Variants in TENM1 observed in about 807,000 individuals in gnomAD.
TENM1 encodes the protein teneurin transmembrane protein 1.
In TENM1, 35 loss-of-function variants were observed where a neutral mutation model predicts 174.8. That is an observed-to-expected ratio of 0.20 (90% CI 0.15 to 0.27). The LOEUF is 0.27. Among genes scored for constraint, TENM1 ranks in the 10% least tolerant of loss-of-function variants. The pLI, the probability that TENM1 is intolerant of heterozygous loss-of-function variation, is 1.00. For missense variants in TENM1, 1,633 were observed against 2,130.1 expected (o/e 0.77, Z 4.59); for synonymous variants, 781 against 798.7 (o/e 0.98, Z 0.37).
chrX:125,085,551 A>C, the TENM1 span, among the ~76,000 whole-genome samples: 1 of 111,185 alleles, frequency 9.0e-6, no homozygotes, highest in Non-Finnish European at 1.9e-5. Flanking sequence ...CTGTCTCACA[A>C]CACCTTCACA....
chrX:125,141,015 A>G, the TENM1 span, among the ~76,000 whole-genome samples: 1 of 112,028 alleles, frequency 8.9e-6, no homozygotes, highest in Non-Finnish European at 1.9e-5. Context: ...AGTATTGACG[A>G]AAGTATACTA....
In TENM1 at chrX:124,487,074, T is replaced by C. The variant is rs751892102; in HGVS notation, c.3716+135A>G. The C allele has an allele frequency of 8.7e-5, 53 of 608,866 alleles. No homozygotes were observed. In the African/African-American group the frequency reaches 9.5e-4, roughly 11 times the overall value. The allele number at this position is 608,866 out of a possible 1,213,427, so 50.2% of individuals were successfully genotyped here. Reference sequence around the variant, plus strand: ...TCTTTTGGAAGACACTTACCTGAGTTATAACTTCCAAATTTATGTTCACAC... The same window carrying C: ...TCTTTTGGAAGACACTTACCTGAGTCATAACTTCCAAATTTATGTTCACAC... On this transcript the variant is annotated intron_variant, in intron 21 of 31. Transcript: ENST00000422452.
rs191059830 is a variant in TENM1 at position 124,745,323 on chromosome X, C to A, written c.536-8126G>T. Among the ~76,000 whole-genome samples, 713 of 111,129 alleles carry A rather than the reference C, an allele frequency of 6.4e-3. 3 individuals carry two copies. The highest frequency in any genetic ancestry group is 0.01 in the Non-Finnish European group (536 of 52,950). On this transcript the variant is annotated intron_variant, in intron 3 of 31. Transcript: ENST00000422452. Reference sequence around the variant, plus strand: ...ACAAGTACATAGCCCTCATCTGGGACAATGGGAAGAGATGTCACTATTATA... The same window carrying A: ...ACAAGTACATAGCCCTCATCTGGGAAAATGGGAAGAGATGTCACTATTATA...
chrX:124,494,086 T>C lies in TENM1; in HGVS notation c.3695+2930A>G, dbSNP rs757443839. On this transcript the variant is annotated intron_variant, in intron 20 of 31. Transcript: ENST00000422452. The stretch of plus-strand genomic sequence containing the variant: ...ATGGAGGTATATTCCATAGCAAGCA[T>C]GAGAATCTGAAAAATTTTGAGAAAT... Among the ~76,000 whole-genome samples, 62 of 111,387 alleles carry C rather than the reference T, an allele frequency of 5.6e-4. 4 individuals carry two copies.
intron 1 of TENM1, among the ~76,000 whole-genome samples, chrX:124,955,585 A>G (rs114336372): frequency 0.084 from 9,256 of 110,658 alleles, 749 homozygotes; most frequent in African/African-American, 0.25. Context: ...ATTGGCTCTC[A>G]TTATTTCTGA....
chrX:124,787,114 C>CAA (rs746114797), intron 3 of TENM1, among the ~76,000 whole-genome samples: 2 of 111,447 alleles, frequency 1.8e-5, no homozygotes, highest in Non-Finnish European at 3.8e-5. Flanking sequence ...ACACAACTCT[C>CAA]AAAGTATTAT....
chrX:124,926,737 C>G (rs1024319128), intron 1 of TENM1, among the ~76,000 whole-genome samples: 3 of 111,938 alleles, frequency 2.7e-5, no homozygotes, highest in Non-Finnish European at 3.8e-5. Flanking sequence ...TATCCAAGCT[C>G]ATAAACCAAG....
At chrX:125,005,775 C>G in the TENM1 span, among the ~76,000 whole-genome samples, 180 of 111,095 alleles carry the variant, frequency 1.6e-3, no homozygotes, top group Non-Finnish European at 1.1e-3. Flanking sequence ...GGGAAGTGCA[C>G]GGAGCCAGGG....
chrX:124,799,994 T>C (rs1198302585), intron 3 of TENM1, among the ~76,000 whole-genome samples: 2 of 112,169 alleles, frequency 1.8e-5, no homozygotes, highest in Non-Finnish European at 3.8e-5. Context: ...TCCTGCTGGA[T>C]TCAGTTTGCT....
At chrX:125,034,420 C>T in the TENM1 span, among the ~76,000 whole-genome samples, 1 of 111,292 alleles carries the variant, frequency 9.0e-6, no homozygotes, top group Non-Finnish European at 1.9e-5. Flanking sequence ...AGTTTGGGAC[C>T]TGTGCCTTTA....
At chrX:124,895,829 G>A (rs1407937539) in intron 2 of TENM1, 152 bp downstream of exon 5, 1 of 583,121 alleles carries the variant, frequency 1.7e-6, no homozygotes, top group Non-Finnish European at 2.6e-6. Flanking sequence ...CAGATACTTA[G>A]GTGCATGCCT....
chrX:124,905,264 T>C (rs2057728073), intron 1 of TENM1, among the ~76,000 whole-genome samples: 1 of 111,154 alleles, frequency 9.0e-6, no homozygotes, highest in African/African-American at 3.3e-5. Context: ...TGCACCACTG[T>C]TACTCAAGCC....
At chrX:124,418,078 A>AT (rs1434102008) in intron 25 of TENM1, among the ~76,000 whole-genome samples, 1 of 112,291 alleles carries the variant, frequency 8.9e-6, no homozygotes, top group Non-Finnish European at 1.9e-5. Context: ...ATACAGTGTG[A>AT]TTTTTTAAAA....
the TENM1 span, among the ~76,000 whole-genome samples, chrX:125,094,566 ACTGT>A: frequency 8.9e-6 from 1 of 112,042 alleles, no homozygotes; most frequent in Non-Finnish European, 1.9e-5. Flanking sequence ...TTTCTGACTG[ACTGT>A]CTGGACCACA....
exon 32 of TENM1, chrX:124,381,138 T>C: frequency 8.3e-7 from 1 of 1,211,375 alleles, no homozygotes; most frequent in Non-Finnish European, 1.1e-6. Flanking sequence ...GCAAATTTTA[T>C]ACCTTTCCCA....
the TENM1 span, among the ~76,000 whole-genome samples, chrX:125,096,396 GA>G: frequency 0.16 from 17,797 of 111,238 alleles, 1,425 homozygotes; most frequent in East Asian, 0.37. Context: ...GTATTATCTG[GA>G]AAAAAACACA....
chrX:124,495,864 A>G (rs1315682823), intron 20 of TENM1, among the ~76,000 whole-genome samples: 5 of 104,092 alleles, frequency 4.8e-5, no homozygotes, highest in African/African-American at 1.5e-4. Flanking sequence ...AATTGGAAAA[A>G]ACTATTTTAA....
intron 1 of TENM1, among the ~76,000 whole-genome samples, chrX:124,907,907 T>G (rs1346352842): frequency 1.8e-5 from 2 of 112,051 alleles, no homozygotes; most frequent in Non-Finnish European, 3.8e-5. Flanking sequence ...ATTACAAACT[T>G]TTATTTAGAA....
the TENM1 span, among the ~76,000 whole-genome samples, chrX:124,993,143 T>C: frequency 2.7e-5 from 3 of 111,228 alleles, no homozygotes; most frequent in African/African-American, 6.5e-5. Context: ...GGAGAGAAGG[T>C]ATCTCATTAA....
Sources: gnomAD v4.1 joint callset for allele counts (sites outside exome capture counted in the v4.1 genomes callset) on GRCh38, gnomAD v4.1.1 for gene constraint, MANE v1.5 for transcripts, NCBI Gene and HGNC (gene_info 2026-07-23, HGNC 2026-07-21) for gene names.